The following KCNQ1OT1 variants were observed in gnomAD, a reference collection of about 807,000 sequenced individuals.
The protein encoded by KCNQ1OT1 is KCNQ1 opposite strand/antisense transcript 1.
exon 1 of KCNQ1OT1, chr11:2,619,219 A>T: frequency 2.5e-6 from 1 of 398,502 alleles, no homozygotes; most frequent in East Asian, 3.6e-5. Context: ...TATGTTGAGT[A>T]GTAGTAGCTA....
chr11:2,640,089 T>C, exon 1 of KCNQ1OT1: 1 of 248,414 alleles, frequency 4.0e-6, no homozygotes, highest in Non-Finnish European at 7.6e-6. Flanking sequence ...GATCCAGTTT[T>C]CCAGGTGCCG....
Position 2,623,115 on chromosome 11 carries a change from C to A in KCNQ1OT1, n.76880G>T, listed in dbSNP as rs183072368. 5,149 of 398,580 alleles carry A rather than the reference C, an allele frequency of 0.013. 157 individuals carry two copies. The highest frequency in any genetic ancestry group is 0.081 in the East Asian group (2,284 of 28,068). The allele number at this position is 398,580 out of a possible 1,614,324, so 24.7% of individuals were successfully genotyped here. ...GATCTGGTTGTTTAAACGTGTGTGG[C>A]ACTTCCCATCTCACTTTCTTTCCCT... On this transcript the variant is annotated non_coding_transcript_exon_variant, in exon 1 of 1. Transcript: ENST00000597346. The surrounding 1 kb of genome is among the most constrained non-coding windows in gnomAD (Gnocchi z 5.2).
exon 1 of KCNQ1OT1, chr11:2,640,546 A>T (rs1849556927): frequency 2.6e-6 from 1 of 384,264 alleles, no homozygotes; most frequent in Non-Finnish European, 4.5e-6. Context: ...TTGGCCCCCC[A>T]AAGCACTGGG....
exon 1 of KCNQ1OT1, chr11:2,646,211 G>C (rs1849663163): frequency 1.3e-5 from 5 of 398,496 alleles, no homozygotes; most frequent in Non-Finnish European, 2.2e-5. Context: ...TGGAGGAGGT[G>C]AGTGCCAGAT....
rs1590037662 is a variant in KCNQ1OT1 at position 2,695,057 on chromosome 11, T to C, written n.4938A>G. The C allele has an allele frequency of 2.5e-6, 1 of 398,586 alleles. No individual in the cohort carries two copies. Among genetic ancestry groups the C allele is most frequent in the Non-Finnish European group, 4.4e-6 (1 of 226,062 alleles). 24.7% of individuals were successfully genotyped at this position (398,586 alleles called of 1,614,324 possible). A position where few individuals can be genotyped will look rare whatever the true frequency, so the allele number is the denominator to read the frequency against. ...CAGGGCAGATCTTGTAAAAACCTGATGGAATTTGAATTTTATTTCCTAGAA... is the reference window on the plus strand; with the variant it reads ...CAGGGCAGATCTTGTAAAAACCTGACGGAATTTGAATTTTATTTCCTAGAA... On this transcript the variant is annotated non_coding_transcript_exon_variant, in exon 1 of 1. Transcript: ENST00000597346. The surrounding 1 kb of genome is among the most constrained non-coding windows in gnomAD (Gnocchi z 5.2).
exon 1 of KCNQ1OT1, chr11:2,629,371 C>G (rs1009618898): frequency 7.0e-5 from 28 of 398,222 alleles, no homozygotes; most frequent in Non-Finnish European, 1.2e-4. Context: ...TTTATCTGTG[C>G]CTTTCATATT....
At chr11:2,648,076 G>A (rs78133992) in exon 1 of KCNQ1OT1, 4,412 of 397,080 alleles carry the variant, frequency 0.011, 43 homozygotes, top group Non-Finnish European at 0.016. Flanking sequence ...AAATTAGCGA[G>A]GTGTGGTGCT....
Position 2,633,279 on chromosome 11 carries a change from G to A in KCNQ1OT1, n.66716C>T, listed in dbSNP as rs561691302. On this transcript the variant is annotated non_coding_transcript_exon_variant, in exon 1 of 1. Coordinates refer to ENST00000597346, the Ensembl canonical transcript of KCNQ1OT1. Reference sequence around the variant, plus strand: ...ATTGTTTGAATTCCTTGTATATTCCGGATATTAATCCCTTGTCAGATGAAT... The same window carrying A: ...ATTGTTTGAATTCCTTGTATATTCCAGATATTAATCCCTTGTCAGATGAAT... 32 of 398,370 alleles carry A rather than the reference G, an allele frequency of 8.0e-5. 1 individual carries two copies. Among genetic ancestry groups the A allele is most frequent in the East Asian group, 3.9e-4 (11 of 28,044 alleles). The allele number at this position is 398,370 out of a possible 1,614,324, so 24.7% of individuals were successfully genotyped here.
chr11:2,622,214 C>A, exon 1 of KCNQ1OT1: 1 of 398,320 alleles, frequency 2.5e-6, no homozygotes, highest in Non-Finnish European at 4.4e-6. Flanking sequence ...AGTATATTTT[C>A]TTATATTCTG....
chr11:2,632,966 A>T (rs1589993341), exon 1 of KCNQ1OT1: 1 of 398,462 alleles, frequency 2.5e-6, no homozygotes, highest in Non-Finnish European at 4.4e-6. Context: ...ATGATAGTCT[A>T]CTTTTAGTTT....
exon 1 of KCNQ1OT1, chr11:2,648,981 C>CTTTTTTTTTTTTTTTTTTTTTGTTTTTT: frequency 4.7e-6 from 1 of 213,306 alleles, no homozygotes; most frequent in Non-Finnish European, 7.8e-6. Flanking sequence ...TTTTCTTTTT[C>CTTTTTTTTTTTTTTTTTTTTTGTTTTTT]TTTTTTTTTT....
At chr11:2,699,678 C>CGAAGAACCCCCGGGGAGAACCGCGCG (rs1564862622) in exon 1 of KCNQ1OT1, 1 of 353,092 alleles carries the variant, frequency 2.8e-6, no homozygotes, top group East Asian at 4.4e-5. Flanking sequence ...AGAACCGCGC[C>CGAAGAACCCCCGGGGAGAACCGCGCG]GAAAAGCCCC....
chr11:2,685,703 G>A (rs1276272807), exon 1 of KCNQ1OT1: 4 of 398,536 alleles, frequency 1.0e-5, no homozygotes, highest in African/African-American at 6.2e-5. Context: ...CTTCGGTCTG[G>A]GACCCCAGGG....
Position 2,627,095 on chromosome 11 carries a change from C to G in KCNQ1OT1, n.72900G>C, listed in dbSNP as rs573940221. On this transcript the variant is annotated non_coding_transcript_exon_variant, in exon 1 of 1. Coordinates refer to ENST00000597346, the Ensembl canonical transcript of KCNQ1OT1. The surrounding 1 kb of genome is among the most constrained non-coding windows in gnomAD (Gnocchi z 4.9). ...CCTTTATGTCTACTTTAATTTCTTT[C>G]AGCATTGTTTTGTAATTTTCATTGT... 2.5e-6 allele frequency: 1 copy of G among 398,504 alleles called. No homozygotes were observed. The highest frequency in any genetic ancestry group is 4.4e-6 in the Non-Finnish European group (1 of 226,032). 24.7% of individuals were successfully genotyped at this position (398,504 alleles called of 1,614,324 possible).
rs1850011740 is a variant in KCNQ1OT1, at chr11:2,663,735, G to A, written n.36260C>T. On this transcript the variant is annotated non_coding_transcript_exon_variant, in exon 1 of 1. Transcript: ENST00000597346. The surrounding 1 kb of genome is among the most constrained non-coding windows in gnomAD (Gnocchi z 5.2). ...TCTTGCAAGGCCCCTGCAGGTGAAG[G>A]TGGTGAGAGACCAGGCACTTATGTG... The A allele has an allele frequency of 2.5e-6, 1 of 398,626 alleles. No individual in the cohort carries two copies. The highest frequency in any genetic ancestry group is 1.3e-4 in the South Asian group (1 of 7,864). 24.7% of individuals were successfully genotyped at this position (398,626 alleles called of 1,614,324 possible).
rs1849232499 is a variant in KCNQ1OT1, at chr11:2,624,596, T to C, written n.75399A>G. 3.0e-5 allele frequency: 12 copies of C among 398,400 alleles called. No homozygotes were observed. Among genetic ancestry groups the C allele is most frequent in the Non-Finnish European group, 5.3e-5 (12 of 226,042 alleles). The allele number at this position is 398,400 out of a possible 1,614,324, so 24.7% of individuals were successfully genotyped here. On this transcript the variant is annotated non_coding_transcript_exon_variant, in exon 1 of 1. Transcript: ENST00000597346. The surrounding 1 kb of genome is among the most constrained non-coding windows in gnomAD (Gnocchi z 4.9). ...GGCAAAATACACTTAACATAAAAAT[T>C]ACCATCCTAACCAATTTTAGTGTAC...
chr11:2,644,564 C>G (rs1849637502), exon 1 of KCNQ1OT1: 1 of 398,312 alleles, frequency 2.5e-6, no homozygotes. Flanking sequence ...TTCTTTTTCA[C>G]TGGAATCTGT....
In KCNQ1OT1 at chr11:2,645,844, G is replaced by T; in HGVS notation, n.54151C>A. The T allele has an allele frequency of 2.5e-6, 1 of 398,672 alleles. No homozygotes were observed. The highest frequency in any genetic ancestry group is 1.3e-4 in the South Asian group (1 of 7,844). The allele number at this position is 398,672 out of a possible 1,614,324, so 24.7% of individuals were successfully genotyped here. A position where few individuals can be genotyped will look rare whatever the true frequency, so the allele number is the denominator to read the frequency against. ...TTTCCTGAAGTTGCCTGAGGATTCA[G>T]GGGATGTGTGAATTGCCTGAGGATT... On this transcript the variant is annotated non_coding_transcript_exon_variant, in exon 1 of 1. Transcript: ENST00000597346. The surrounding 1 kb of genome is among the most constrained non-coding windows in gnomAD (Gnocchi z 5.8).
At position 2,620,557 on chromosome 11, in the gene KCNQ1OT1, A is replaced by G. The variant is rs991246636; in HGVS notation, n.79438T>C. The G allele has an allele frequency of 3.3e-5, 13 of 396,552 alleles. No homozygotes were observed. The highest frequency in any genetic ancestry group is 5.3e-5 in the Non-Finnish European group (12 of 225,352). 24.6% of individuals were successfully genotyped at this position (396,552 alleles called of 1,614,324 possible). Reference sequence around the variant, plus strand: ...ATGGCTGCATAGTATTCCATGGTGTACATGTACCACATTTTCTTTATCCAA... The same window carrying G: ...ATGGCTGCATAGTATTCCATGGTGTGCATGTACCACATTTTCTTTATCCAA... On this transcript the variant is annotated non_coding_transcript_exon_variant, in exon 1 of 1. Coordinates refer to ENST00000597346, the Ensembl canonical transcript of KCNQ1OT1. The surrounding 1 kb of genome is among the most constrained non-coding windows in gnomAD (Gnocchi z 4.5).
Sources: gnomAD v4.1 joint callset for allele counts on GRCh38, gnomAD v4.1.1 for gene constraint, Gnocchi (gnomAD v3.1) non-coding constraint, MANE v1.5 for transcripts, NCBI Gene and HGNC (gene_info 2026-07-23, HGNC 2026-07-21) for gene names.